The following HS6ST2 variants were observed in gnomAD, a reference collection of about 807,000 sequenced individuals.
HS6ST2 encodes the protein heparan sulfate 6-O-sulfotransferase 2.
In HS6ST2, 17 loss-of-function variants were observed where a neutral mutation model predicts 33.0. The ratio of observed to expected loss-of-function variants is 0.52; its 90% CI spans 0.35 to 0.77. The LOEUF (loss-of-function observed/expected upper bound fraction) is 0.77. Among genes scored for constraint, HS6ST2 ranks in the 30% least tolerant of loss-of-function variants. HS6ST2 has a pLI of 0.01. For synonymous variants in HS6ST2, 248 were observed against 237.1 expected, an observed-to-expected ratio of 1.05 and a Z score of -0.42; for missense variants, 519 against 551.7, an observed-to-expected ratio of 0.94 and a Z score of 0.59.
At position 132,830,903 on chromosome X, in the gene HS6ST2, T is replaced by G. The variant is rs779835311; in HGVS notation, c.948-122409A>C. Reference sequence around the variant, plus strand: ...GTGCCTTTTACCGCCAGTGAATACATAAATTCCATTAATCCACATGTACCT... The same window carrying G: ...GTGCCTTTTACCGCCAGTGAATACAGAAATTCCATTAATCCACATGTACCT... On this transcript the variant is annotated intron_variant, in intron 2 of 4. Coordinates refer to ENST00000370833, the MANE Select transcript of HS6ST2 (RefSeq NM_001394073.1). Among the ~76,000 whole-genome samples the G allele has an allele frequency of 3.6e-5, 4 of 111,877 alleles. No individual in the cohort carries two copies. In the South Asian group the frequency reaches 1.1e-3, roughly 32 times the overall value.
chrX:132,943,942 C>G (rs2066913711), intron 2 of HS6ST2, among the ~76,000 whole-genome samples: 1 of 111,369 alleles, frequency 9.0e-6, no homozygotes, highest in African/African-American at 3.3e-5. Context: ...CCTTTGAAAA[C>G]TGGCACAAGA....
At chrX:132,841,588 G>T (rs1265125078) in intron 2 of HS6ST2, among the ~76,000 whole-genome samples, 1 of 111,780 alleles carries the variant, frequency 8.9e-6, no homozygotes, top group Non-Finnish European at 1.9e-5. Context: ...AAAGGGTGCT[G>T]GCAGCAGCAG....
intron 3 of HS6ST2, among the ~76,000 whole-genome samples, chrX:132,692,858 T>C (rs757871252): frequency 2.7e-5 from 3 of 112,238 alleles, no homozygotes; most frequent in Non-Finnish European, 5.6e-5. Context: ...GATTGCAGGC[T>C]TTTTGAGGGC....
chrX:132,937,356 G>A (rs759015056), intron 2 of HS6ST2, among the ~76,000 whole-genome samples: 2 of 111,839 alleles, frequency 1.8e-5, no homozygotes, highest in South Asian at 7.5e-4. Flanking sequence ...TCTGAAATTT[G>A]TATGAAACTA....
Position 132,772,007 on chromosome X carries a change from T to A in HS6ST2, c.948-63513A>T, listed in dbSNP as rs759909762. 1.8e-5 allele frequency among the ~76,000 whole-genome samples: 2 copies of A among 111,734 alleles called. 1 individual carries two copies. Among genetic ancestry groups the A allele is most frequent in the Non-Finnish European group, 3.8e-5 (2 of 53,160 alleles). On this transcript the variant is annotated intron_variant, in intron 2 of 4. Transcript: ENST00000370833. ...AGCAATTAGCATGAAATGTTACTTATGGTGTCTTAAACTATGTGTTCTATA... is the reference window on the plus strand; with the variant it reads ...AGCAATTAGCATGAAATGTTACTTAAGGTGTCTTAAACTATGTGTTCTATA...
intron 3 of HS6ST2, among the ~76,000 whole-genome samples, chrX:132,673,665 G>A (rs2063901672): frequency 9.0e-6 from 1 of 111,292 alleles, no homozygotes; most frequent in Admixed American, 9.5e-5. Flanking sequence ...CCCTAGAGAT[G>A]CCTCTAGGCT....
intron 2 of HS6ST2, among the ~76,000 whole-genome samples, chrX:132,763,484 A>G: frequency 8.9e-6 from 1 of 112,269 alleles, no homozygotes; most frequent in Non-Finnish European, 1.9e-5. Flanking sequence ...GAGAAACAGC[A>G]GACAGTGCAG....
chrX:132,943,428 G>A (rs1378529830), intron 2 of HS6ST2, among the ~76,000 whole-genome samples: 3 of 111,331 alleles, frequency 2.7e-5, no homozygotes, highest in Non-Finnish European at 3.8e-5. Flanking sequence ...TACCTCAGAC[G>A]TACAAAGAGG....
In HS6ST2 at chrX:132,828,565, A is replaced by C. The variant is rs1383926407; in HGVS notation, c.948-120071T>G. On this transcript the variant is annotated intron_variant, in intron 2 of 4. Coordinates refer to ENST00000370833, the MANE Select transcript of HS6ST2 (RefSeq NM_001394073.1). ...AGAACATTTCCGAAATCACTCAAAA[A>C]TGAGGGACTTTCAGAATAGTGGTTA... Among the ~76,000 whole-genome samples the C allele has an allele frequency of 3.0e-4, 32 of 106,588 alleles. No individual in the cohort carries two copies. In the Admixed American group the frequency reaches 3.3e-3, roughly 11 times the overall value. 92.6% of individuals were successfully genotyped at this position (106,588 alleles called of 115,157 possible). A position where few individuals can be genotyped will look rare whatever the true frequency, so the allele number is the denominator to read the frequency against.
At chrX:132,898,381 TTATATATA>T (rs10545986) in intron 2 of HS6ST2, among the ~76,000 whole-genome samples, 6 of 89,220 alleles carry the variant, frequency 6.7e-5, no homozygotes, top group African/African-American at 2.4e-4. Flanking sequence ...CAACATAAGG[TTATATATA>T]TATATATATA....
At chrX:132,656,397 C>T (rs243445) in intron 4 of HS6ST2, among the ~76,000 whole-genome samples, 180 of 111,570 alleles carry the variant, frequency 1.6e-3, no homozygotes, top group African/African-American at 5.1e-3. Flanking sequence ...GCTGGGTCTA[C>T]ACTGGTAGTT....
At chrX:132,901,545 A>G (rs1209747897) in intron 2 of HS6ST2, among the ~76,000 whole-genome samples, 1 of 109,572 alleles carries the variant, frequency 9.1e-6, no homozygotes, top group African/African-American at 3.3e-5. Flanking sequence ...GCAGGGAGTC[A>G]TATGCTAAGA....
At chrX:132,812,405 AAATAATAATAATAAT>A (rs55880539) in intron 2 of HS6ST2, among the ~76,000 whole-genome samples, 15 of 84,922 alleles carry the variant, frequency 1.8e-4, no homozygotes, top group East Asian at 7.4e-4. Flanking sequence ...ACTCTGTCTC[AAATAATAATAATAAT>A]AATAATAATA....
At chrX:132,834,833 A>T (rs946078866) in intron 2 of HS6ST2, among the ~76,000 whole-genome samples, 1 of 112,076 alleles carries the variant, frequency 8.9e-6, no homozygotes, top group African/African-American at 3.2e-5. Context: ...CTTCTTAACA[A>T]TGAAGAGTTT....
intron 4 of HS6ST2, among the ~76,000 whole-genome samples, chrX:132,664,643 T>C (rs1255666458): frequency 8.9e-6 from 1 of 111,734 alleles, no homozygotes; most frequent in Non-Finnish European, 1.9e-5. Flanking sequence ...TTATAGTGCT[T>C]AATTCAACAT....
chrX:132,882,989 G>T (rs900675323), intron 2 of HS6ST2, among the ~76,000 whole-genome samples: 1 of 111,428 alleles, frequency 9.0e-6, no homozygotes, highest in Non-Finnish European at 1.9e-5. Context: ...GTTGATCATG[G>T]TGGATAAGCT....
At chrX:132,783,155 T>C (rs1202630639) in intron 2 of HS6ST2, among the ~76,000 whole-genome samples, 1 of 111,461 alleles carries the variant, frequency 9.0e-6, no homozygotes, top group African/African-American at 3.3e-5. Flanking sequence ...TCTAAATCCA[T>C]AAAATTGGGA....
intron 2 of HS6ST2, among the ~76,000 whole-genome samples, chrX:132,754,418 CT>C (rs774142302): frequency 1.2e-3 from 113 of 96,634 alleles, no homozygotes; most frequent in Non-Finnish European, 9.9e-4. Flanking sequence ...CCATACTGCA[CT>C]TTTTTTTTTT....
chrX:132,686,533 C>A (rs908049832), intron 3 of HS6ST2, among the ~76,000 whole-genome samples: 7 of 111,481 alleles, frequency 6.3e-5, no homozygotes, highest in Non-Finnish European at 1.3e-4. Flanking sequence ...TAAATAGCAA[C>A]AGTGTGTGAT....
Sources: gnomAD v4.1 joint callset for allele counts (sites outside exome capture counted in the v4.1 genomes callset) on GRCh38, gnomAD v4.1.1 for gene constraint, MANE v1.5 for transcripts, NCBI Gene and HGNC (gene_info 2026-07-23, HGNC 2026-07-21) for gene names.